The following IQCM variants were observed in gnomAD, a reference collection of about 807,000 sequenced individuals.
The protein encoded by IQCM is IQ motif containing M.
Under a neutral mutation model 57.6 loss-of-function variants are expected in IQCM, and 45 were observed. The ratio of observed to expected loss-of-function variants is 0.78; its 90% CI spans 0.62 to 1.00. The LOEUF (loss-of-function observed/expected upper bound fraction) is 1.00. Among genes scored for constraint, IQCM ranks in the 50% least tolerant of loss-of-function variants. The pLI is 0.00. For missense variants in IQCM, 468 were observed against 511.6 expected (o/e 0.91, Z 0.82); for synonymous variants, 148 against 158.9 (o/e 0.93, Z 0.51).
At chr4:149,530,901 T>C (rs948200738) in intron 12 of IQCM, among the ~76,000 whole-genome samples, 3 of 146,972 alleles carry the variant, frequency 2.0e-5, no homozygotes, top group African/African-American at 7.5e-5. Flanking sequence ...AGGCACAGAT[T>C]CCTAAAAATG....
chr4:149,368,858 A>G lies in IQCM; in HGVS notation c.1391-16792T>C, dbSNP rs1218017306. 4.3e-4 allele frequency among the ~76,000 whole-genome samples: 36 copies of G among 84,446 alleles called. 1 individual carries two copies. Among genetic ancestry groups the G allele is most frequent in the South Asian group, 1.2e-3 (4 of 3,318 alleles). 55.4% of individuals were successfully genotyped at this position (84,446 alleles called of 152,430 possible). A position where few individuals can be genotyped will look rare whatever the true frequency, so the allele number is the denominator to read the frequency against. The stretch of plus-strand genomic sequence containing the variant: ...TATATATATACATATATATACATGT[A>G]TATATATACATATATACACGTGTAT... On this transcript the variant is annotated intron_variant, in intron 13 of 13. Transcript: ENST00000636793.
intron 13 of IQCM, among the ~76,000 whole-genome samples, chr4:149,408,289 A>C (rs891509335): frequency 1.3e-5 from 2 of 152,192 alleles, no homozygotes; most frequent in Non-Finnish European, 2.9e-5. Flanking sequence ...GAAATAGGTG[A>C]TTATCATATC....
At chr4:149,530,493 A>C (rs1746620090) in intron 12 of IQCM, among the ~76,000 whole-genome samples, 1 of 152,192 alleles carries the variant, frequency 6.6e-6, no homozygotes, top group Non-Finnish European at 1.5e-5. Flanking sequence ...TACAGAATTG[A>C]CACATAGACT....
chr4:149,517,503 T>C (rs920337478), intron 12 of IQCM, among the ~76,000 whole-genome samples: 3 of 152,184 alleles, frequency 2.0e-5, no homozygotes, highest in African/African-American at 4.8e-5. Context: ...TTGTCTTTAT[T>C]TGAAGATTAT....
At chr4:149,408,147 A>G (rs1234019542) in intron 13 of IQCM, among the ~76,000 whole-genome samples, 2 of 152,122 alleles carry the variant, frequency 1.3e-5, no homozygotes, top group Admixed American at 1.3e-4. Flanking sequence ...TTTGTACCCC[A>G]TAAATTTATA....
chr4:149,486,297 T>C (rs1237867381), intron 12 of IQCM, among the ~76,000 whole-genome samples: 1 of 152,074 alleles, frequency 6.6e-6, no homozygotes, highest in African/African-American at 2.4e-5. Context: ...ATCAAAAACC[T>C]TAGCATTTTA....
intron 13 of IQCM, among the ~76,000 whole-genome samples, chr4:149,408,035 T>A (rs1018685706): frequency 2.6e-5 from 4 of 152,284 alleles, no homozygotes; most frequent in African/African-American, 9.6e-5. Flanking sequence ...TAACAGCCAT[T>A]CTGACTGGTG....
At chr4:149,787,821 A>G (rs1772208779) in intron 2 of IQCM, among the ~76,000 whole-genome samples, 2 of 152,172 alleles carry the variant, frequency 1.3e-5, no homozygotes, top group Non-Finnish European at 2.9e-5. Flanking sequence ...ACAAAATAAA[A>G]AGTAGACAAA....
intron 7 of IQCM, among the ~76,000 whole-genome samples, chr4:149,630,599 G>A (rs913377905): frequency 5.3e-5 from 8 of 152,144 alleles, no homozygotes; most frequent in East Asian, 3.9e-4. Context: ...CAAGTTTATC[G>A]TGTATTGATA....
intron 13 of IQCM, among the ~76,000 whole-genome samples, chr4:149,393,980 G>A (rs986904192): frequency 6.6e-6 from 1 of 151,880 alleles, no homozygotes; most frequent in Admixed American, 6.6e-5. Context: ...TAAGCAGGGT[G>A]GATCTAAAAA....
At chr4:149,409,753 TAAAAGCAGC>T (rs1437039365) in intron 13 of IQCM, among the ~76,000 whole-genome samples, 5 of 152,106 alleles carry the variant, frequency 3.3e-5, no homozygotes, top group Non-Finnish European at 5.9e-5. Context: ...ACTCCCTCTC[TAAAAGCAGC>T]AAAAGCCTCG....
At chr4:149,464,876 A>G (rs1738681360) in intron 12 of IQCM, among the ~76,000 whole-genome samples, 1 of 152,216 alleles carries the variant, frequency 6.6e-6, no homozygotes, top group African/African-American at 2.4e-5. Flanking sequence ...ATTATTTTGG[A>G]TAGCACAGAT....
intron 7 of IQCM, among the ~76,000 whole-genome samples, chr4:149,678,171 G>A (rs549422266): frequency 2.0e-5 from 3 of 151,890 alleles, no homozygotes; most frequent in African/African-American, 7.2e-5. Flanking sequence ...ATCCAGGTAA[G>A]GGAAGGTCCG....
At chr4:149,361,719 C>A (rs572005639) in intron 13 of IQCM, among the ~76,000 whole-genome samples, 31 of 152,264 alleles carry the variant, frequency 2.0e-4, no homozygotes, top group East Asian at 1.9e-3. Context: ...GAAGCCCAGA[C>A]AAAAGTTTGC....
intron 13 of IQCM, among the ~76,000 whole-genome samples, chr4:149,353,064 G>T (rs1435682610): frequency 1.3e-5 from 2 of 152,080 alleles, no homozygotes; most frequent in Non-Finnish European, 2.9e-5. Context: ...TCTCCATATT[G>T]TTATTTGACA....
At chr4:149,428,699 A>G (rs1406165980) in intron 13 of IQCM, among the ~76,000 whole-genome samples, 1 of 151,862 alleles carries the variant, frequency 6.6e-6, no homozygotes, top group Non-Finnish European at 1.5e-5. Flanking sequence ...CTAATTTAGC[A>G]AATGTGTATC....
intron 8 of IQCM, among the ~76,000 whole-genome samples, chr4:149,602,506 C>A (rs148210922): frequency 6.6e-6 from 1 of 152,064 alleles, no homozygotes; most frequent in Non-Finnish European, 1.5e-5. Flanking sequence ...AAAATGTCCA[C>A]GGCCAAATTT....
intron 5 of IQCM, among the ~76,000 whole-genome samples, chr4:149,728,970 C>T (rs868383840): frequency 6.6e-6 from 1 of 152,192 alleles, no homozygotes; most frequent in Non-Finnish European, 1.5e-5. Flanking sequence ...CAGAAGATAT[C>T]TCCATCTTCC....
chr4:149,815,204 G>A (rs1239047719), intron 2 of IQCM, 107 bp downstream of exon 2: 1 of 151,884 alleles, frequency 6.6e-6, no homozygotes, highest in Non-Finnish European at 1.5e-5. Flanking sequence ...GGGGGGTATA[G>A]TTTATAACTG....
Sources: gnomAD v4.1 joint callset for allele counts (sites outside exome capture counted in the v4.1 genomes callset) on GRCh38, gnomAD v4.1.1 for gene constraint, MANE v1.5 for transcripts, NCBI Gene and HGNC (gene_info 2026-07-23, HGNC 2026-07-21) for gene names.